Variants in MAST4 observed in about 807,000 individuals in gnomAD.
The protein encoded by MAST4 is microtubule associated serine/threonine kinase family member 4, also known as microtubule-associated serine/threonine-protein kinase 4.
Under a neutral mutation model 162.7 loss-of-function variants are expected in MAST4, and 89 were observed. The observed-to-expected ratio is 0.55, with a 90% CI of 0.46 to 0.65. The LOEUF is 0.65. Among genes scored for constraint, MAST4 ranks in the 30% least tolerant of loss-of-function variants. MAST4 has a pLI of 0.00. For missense variants in MAST4, 3,153 were observed against 3,374.0 expected (o/e 0.93, Z 1.62); for synonymous variants, 1,479 against 1,361.1 (o/e 1.09, Z -1.91).
chr5:66,627,676 A>C (rs1262877670), intron 1 of MAST4, among the ~76,000 whole-genome samples: 1 of 152,192 alleles, frequency 6.6e-6, no homozygotes, highest in Admixed American at 6.5e-5. Flanking sequence ...TTATCATTTT[A>C]GTATTATTAA....
chr5:66,945,600 G>C (rs553982219), intron 4 of MAST4, among the ~76,000 whole-genome samples: 1 of 152,200 alleles, frequency 6.6e-6, no homozygotes, highest in Non-Finnish European at 1.5e-5. Context: ...AAGGAGAAGC[G>C]CATGCCGTGC....
intron 2 of MAST4, among the ~76,000 whole-genome samples, chr5:66,780,739 T>C (rs1402198829): frequency 6.8e-6 from 1 of 146,206 alleles, no homozygotes; most frequent in Non-Finnish European, 1.6e-5. Context: ...TACAGAGTGC[T>C]GATTGGTTCA....
chr5:66,841,593 C>G (rs1360957296), intron 3 of MAST4, among the ~76,000 whole-genome samples: 2 of 152,076 alleles, frequency 1.3e-5, no homozygotes, highest in Non-Finnish European at 2.9e-5. Context: ...GAGAAGAAAT[C>G]TCATGTCTTT....
chr5:66,834,623 G>C (rs1428217017), intron 3 of MAST4, among the ~76,000 whole-genome samples: 2 of 152,174 alleles, frequency 1.3e-5, no homozygotes, highest in Non-Finnish European at 2.9e-5. Context: ...GCCAAAGTCA[G>C]TGTTCAGGTG....
chr5:66,737,147 G>A (rs1752203708), intron 1 of MAST4, among the ~76,000 whole-genome samples: 1 of 152,174 alleles, frequency 6.6e-6, no homozygotes, highest in Admixed American at 6.5e-5. Flanking sequence ...TTAGCTGGTT[G>A]GGTGGCTCTG....
rs1244907927 is a variant in MAST4, at chr5:67,131,425, G to A, written c.1955-388G>A. The stretch of plus-strand genomic sequence containing the variant: ...CGTATTACAGGTGAAGGAACCAAGA[G>A]TCGTTTGCCTAGGATGTCTCAGCTG... On this transcript the variant is annotated intron_variant, in intron 15 of 28. Transcript: ENST00000403625. Among the ~76,000 whole-genome samples, 6 of 152,280 alleles carry A rather than the reference G, an allele frequency of 3.9e-5. No individual in the cohort carries two copies. In the East Asian group the frequency reaches 7.7e-4, roughly 20 times the overall value.
At chr5:67,089,554 C>T (rs1039273257) in intron 5 of MAST4, among the ~76,000 whole-genome samples, 2 of 152,212 alleles carry the variant, frequency 1.3e-5, no homozygotes, top group South Asian at 2.1e-4. Context: ...GGTAATCCTG[C>T]TGAGCCACTT....
At chr5:67,156,839 C>T (rs1772600403) in intron 26 of MAST4, among the ~76,000 whole-genome samples, 1 of 152,148 alleles carries the variant, frequency 6.6e-6, no homozygotes, top group African/African-American at 2.4e-5. Context: ...GGTGAGTTAC[C>T]CAGGGCCAAA....
chr5:66,821,973 C>A (rs557984975), intron 3 of MAST4, among the ~76,000 whole-genome samples: 3 of 152,286 alleles, frequency 2.0e-5, no homozygotes, highest in Admixed American at 6.5e-5. Context: ...GCTGCCCTTA[C>A]CTTGAGGGCA....
chr5:66,930,948 T>G (rs80333254), intron 4 of MAST4: 74 of 254,142 alleles, frequency 2.9e-4, no homozygotes, highest in African/African-American at 1.5e-3. Context: ...AAATAAAGGT[T>G]TTTGTAAAGC....
At chr5:67,009,904 T>C (rs1259383452) in intron 4 of MAST4, among the ~76,000 whole-genome samples, 1 of 152,122 alleles carries the variant, frequency 6.6e-6, no homozygotes, top group Admixed American at 6.5e-5. Flanking sequence ...TTGAGAGATA[T>C]GAAGGATATG....
chr5:66,738,813 C>G (rs987355507), intron 1 of MAST4, among the ~76,000 whole-genome samples: 1 of 152,084 alleles, frequency 6.6e-6, no homozygotes, highest in African/African-American at 2.4e-5. Flanking sequence ...TTAGGCTGTT[C>G]ATAAATCCCT....
intron 1 of MAST4, among the ~76,000 whole-genome samples, chr5:66,716,960 C>T (rs1400285854): frequency 2.0e-5 from 3 of 152,202 alleles, no homozygotes; most frequent in African/African-American, 7.2e-5. Context: ...GCATGGGTCT[C>T]ACAGGTGAAG....
At chr5:67,037,117 G>T (rs939008344) in intron 4 of MAST4, among the ~76,000 whole-genome samples, 3 of 152,060 alleles carry the variant, frequency 2.0e-5, no homozygotes, top group Non-Finnish European at 4.4e-5. Context: ...AGGAAAGGTC[G>T]GGTGCAGTGG....
chr5:66,770,037 T>C (rs998552511), intron 2 of MAST4, among the ~76,000 whole-genome samples: 1 of 152,224 alleles, frequency 6.6e-6, no homozygotes, highest in Non-Finnish European at 1.5e-5. Context: ...CGGTCTAGTG[T>C]GGTTTTAGAA....
chr5:67,091,752 A>G (rs957795801), intron 6 of MAST4, among the ~76,000 whole-genome samples: 2 of 152,196 alleles, frequency 1.3e-5, no homozygotes, highest in Admixed American at 6.5e-5. Context: ...TAATAATTAA[A>G]TAGGTGACTC....
At chr5:66,808,877 CA>C (rs1756336565) in intron 3 of MAST4, among the ~76,000 whole-genome samples, 1 of 152,296 alleles carries the variant, frequency 6.6e-6, no homozygotes, top group Admixed American at 6.5e-5. Flanking sequence ...TGTCCCAGAC[CA>C]GCCTTTTCCC....
intron 4 of MAST4, among the ~76,000 whole-genome samples, chr5:66,976,068 A>G (rs980571094): frequency 1.2e-4 from 18 of 152,214 alleles, no homozygotes; most frequent in Non-Finnish European, 5.9e-5. Flanking sequence ...CTGTCTGTGC[A>G]TGGAGAAGAG....
chr5:66,912,310 T>C (rs1763829672), intron 4 of MAST4, among the ~76,000 whole-genome samples: 2 of 152,148 alleles, frequency 1.3e-5, no homozygotes, highest in Non-Finnish European at 2.9e-5. Context: ...GGCACATGAG[T>C]GGGTTTACCA....
Sources: allele counts gnomAD v4.1 joint callset (sites outside exome capture counted in the v4.1 genomes callset), GRCh38; gene constraint gnomAD v4.1.1; transcripts MANE v1.5; gene names NCBI Gene and HGNC (gene_info 2026-07-23, HGNC 2026-07-21).